Variants in PTGER3 observed in about 807,000 individuals in gnomAD.
PTGER3 encodes prostaglandin E receptor 3, also known as prostaglandin E2 receptor EP3 subtype.
PTGER3 carries 22 observed loss-of-function variants against 34.7 expected under a neutral mutation model. The ratio of observed to expected loss-of-function variants is 0.63; its 90% CI spans 0.45 to 0.91. PTGER3 has a LOEUF of 0.91. Ranked by LOEUF, PTGER3 falls within the 40% of genes least tolerant of loss-of-function variation. The probability of loss-of-function intolerance (pLI) is 0.00; values close to 1 mark genes in which losing one functional copy is unlikely to be tolerated. For synonymous variants in PTGER3, 241 were observed against 230.1 expected (o/e 1.05, Z -0.43); for missense variants, 468 against 519.4 (o/e 0.90, Z 0.96).
chr1:71,043,365 A>T (rs1027486140), intron 1 of PTGER3, among the ~76,000 whole-genome samples: 5 of 152,208 alleles, frequency 3.3e-5, no homozygotes, highest in Non-Finnish European at 7.3e-5. Flanking sequence ...TGAGAAAAAG[A>T]AAAAGGAAAC....
At chr1:70,896,334 T>G (rs1646721403) in intron 4 of PTGER3, among the ~76,000 whole-genome samples, 1 of 152,116 alleles carries the variant, frequency 6.6e-6, no homozygotes, top group Admixed American at 6.5e-5. Context: ...GGGGGGAAAT[T>G]TGGACACAGA....
intron 1 of PTGER3, among the ~76,000 whole-genome samples, chr1:71,017,774 C>A (rs1658040892): frequency 6.6e-6 from 1 of 152,094 alleles, no homozygotes; most frequent in South Asian, 2.1e-4. Flanking sequence ...GCCAGCAGAA[C>A]CTGTGCTTTT....
At chr1:70,871,147 A>C (rs921544298) in intron 4 of PTGER3, among the ~76,000 whole-genome samples, 1 of 152,200 alleles carries the variant, frequency 6.6e-6, no homozygotes, top group African/African-American at 2.4e-5. Flanking sequence ...TCACACAAGC[A>C]TGGTTCTGGC....
chr1:71,028,321 C>T (rs988601185), intron 1 of PTGER3, among the ~76,000 whole-genome samples: 1 of 152,142 alleles, frequency 6.6e-6, no homozygotes, highest in Non-Finnish European at 1.5e-5. Context: ...CTACCACTTG[C>T]GGGGAACAAG....
chr1:70,891,779 A>G (rs1157586633), intron 4 of PTGER3, among the ~76,000 whole-genome samples: 1 of 152,220 alleles, frequency 6.6e-6, no homozygotes, highest in African/African-American at 2.4e-5. Context: ...CTTAGTCATA[A>G]GCTAAGGAAG....
At chr1:71,037,092 G>A (rs546179520) in intron 1 of PTGER3, among the ~76,000 whole-genome samples, 1 of 152,266 alleles carries the variant, frequency 6.6e-6, no homozygotes, top group African/African-American at 2.4e-5. Context: ...AGTACAGTTG[G>A]GGCCAAGCGT....
At chr1:70,907,269 G>A (rs1646969151) in intron 4 of PTGER3, among the ~76,000 whole-genome samples, 1 of 152,152 alleles carries the variant, frequency 6.6e-6, no homozygotes, top group Non-Finnish European at 1.5e-5. Context: ...AAATGGGTTG[G>A]GTTACAGGAT....
intron 1 of PTGER3, among the ~76,000 whole-genome samples, chr1:71,034,489 T>C (rs1659660424): frequency 6.6e-6 from 1 of 152,234 alleles, no homozygotes; most frequent in Non-Finnish European, 1.5e-5. Flanking sequence ...CACATGAGTT[T>C]ACATTGCTAA....
chr1:70,870,542 A>G (rs899970567), intron 4 of PTGER3, among the ~76,000 whole-genome samples: 2 of 152,200 alleles, frequency 1.3e-5, no homozygotes, highest in Admixed American at 6.5e-5. Flanking sequence ...TCTTCTAAAC[A>G]TTTATGCTCT....
chr1:71,004,674 G>T (rs1004495561), intron 2 of PTGER3, among the ~76,000 whole-genome samples: 1 of 152,174 alleles, frequency 6.6e-6, no homozygotes, highest in Non-Finnish European at 1.5e-5. Flanking sequence ...GTATCACTTT[G>T]AGAGACATAC....
At chr1:71,034,836 T>C (rs1291139616) in intron 1 of PTGER3, among the ~76,000 whole-genome samples, 1 of 152,248 alleles carries the variant, frequency 6.6e-6, no homozygotes, top group Non-Finnish European at 1.5e-5. Context: ...TGAAAATTTA[T>C]TGGCCTTTCA....
intron 4 of PTGER3, among the ~76,000 whole-genome samples, chr1:70,877,039 T>C (rs543663414): frequency 1.3e-5 from 2 of 152,306 alleles, no homozygotes; most frequent in South Asian, 4.1e-4. Context: ...TGTAAATTGC[T>C]TTGGGAAGTG....
intron 1 of PTGER3, among the ~76,000 whole-genome samples, chr1:71,039,948 G>C (rs1331098648): frequency 6.6e-6 from 1 of 151,962 alleles, no homozygotes; most frequent in Non-Finnish European, 1.5e-5. Context: ...TCATAGTACT[G>C]TATACTACCC....
intron 4 of PTGER3, chr1:70,865,717 T>C: frequency 5.9e-6 from 8 of 1,365,972 alleles, no homozygotes; most frequent in Non-Finnish European, 7.8e-6. Context: ...CAAGTGTTAG[T>C]GGAAGTTGTG....
At chr1:70,905,929 A>C (rs1646937711) in intron 4 of PTGER3, among the ~76,000 whole-genome samples, 1 of 152,202 alleles carries the variant, frequency 6.6e-6, no homozygotes, top group Admixed American at 6.5e-5. Flanking sequence ...TAACTCTCAC[A>C]ATTGCCACAT....
At chr1:70,854,227 G>T (rs1645749514) in intron 4 of PTGER3, among the ~76,000 whole-genome samples, 1 of 151,888 alleles carries the variant, frequency 6.6e-6, no homozygotes, top group Non-Finnish European at 1.5e-5. Context: ...CATATATCTG[G>T]TAAGGAGTTA....
chr1:70,886,248 A>G, intron 4 of PTGER3: 1 of 443,186 alleles, frequency 2.3e-6, no homozygotes, highest in East Asian at 7.3e-5. Flanking sequence ...GAGAAGACTG[A>G]CATGTGCAAA....
intron 2 of PTGER3, among the ~76,000 whole-genome samples, chr1:70,993,766 T>A (rs1191839765): frequency 3.9e-5 from 6 of 151,912 alleles, no homozygotes; most frequent in Non-Finnish European, 8.8e-5. Context: ...GCAAACCGAG[T>A]GAGTGAAAGA....
At chr1:70,973,221 T>TGATAGATAGATA (rs72155144) in intron 3 of PTGER3, among the ~76,000 whole-genome samples, 10 of 137,574 alleles carry the variant, frequency 7.3e-5, no homozygotes, top group South Asian at 2.5e-4. Flanking sequence ...GATAGATAGA[T>TGATAGATAGATA]GATAGATAGA....
Sources: gnomAD v4.1 joint callset for allele counts (sites outside exome capture counted in the v4.1 genomes callset) on GRCh38, gnomAD v4.1.1 for gene constraint, MANE v1.5 for transcripts, NCBI Gene and HGNC (gene_info 2026-07-23, HGNC 2026-07-21) for gene names.